KIF13B: variants seen among roughly 807,000 people sequenced by gnomAD.
The protein encoded by KIF13B is kinesin family member 13B.
In KIF13B, 127 loss-of-function variants were observed where a neutral mutation model predicts 222.0. That is an observed-to-expected ratio of 0.57 (90% CI 0.50 to 0.66). The LOEUF (loss-of-function observed/expected upper bound fraction) is 0.66, where lower values mean the gene tolerates loss of function less well. Ranked by LOEUF, KIF13B falls within the 30% of genes least tolerant of loss-of-function variation. KIF13B has a pLI of 0.00. For missense variants in KIF13B, 2,173 were observed against 2,379.0 expected (o/e 0.91, Z 1.80); for synonymous variants, 976 against 919.0 (o/e 1.06, Z -1.12).
At position 29,136,487 on chromosome 8, in the gene KIF13B, G is replaced by A. The variant is rs555997154; in HGVS notation, c.2614-2277C>T. ...CCCAGCTACTCAGGAGACTGAGACAGGAGAATCACTTGAATCCGGGAGGAG... is the reference window on the plus strand; with the variant it reads ...CCCAGCTACTCAGGAGACTGAGACAAGAGAATCACTTGAATCCGGGAGGAG... On this transcript the variant is annotated intron_variant, in intron 21 of 39. Transcript: ENST00000524189. 3.9e-5 allele frequency among the ~76,000 whole-genome samples: 6 copies of A among 152,082 alleles called. No homozygotes were observed. In the East Asian group the frequency reaches 1.2e-3, roughly 29 times the overall value.
Position 29,071,438 on chromosome 8 carries a change from A to G in KIF13B, c.5218+182T>C, listed in dbSNP as rs1807268294. On this transcript the variant is annotated intron_variant, in intron 39 of 39. Coordinates refer to ENST00000524189, the MANE Select transcript of KIF13B (RefSeq NM_015254.4). This position sits in a 1 kb window ranked among gnomAD's most constrained non-coding sequence, Gnocchi z 4.9. ...ATCAGGAATTTTCCATGTCGTCTCC[A>G]GGGACTAGCCCTGCCCCCAGCCTCA... Among the ~76,000 whole-genome samples the G allele has an allele frequency of 6.6e-6, 1 of 152,094 alleles. No individual in the cohort carries two copies. The highest frequency in any genetic ancestry group is 6.5e-5 in the Admixed American group (1 of 15,286).
intron 37 of KIF13B, among the ~76,000 whole-genome samples, chr8:29,080,370 C>T (rs1036032487): frequency 1.1e-4 from 17 of 150,184 alleles, no homozygotes; most frequent in Admixed American, 2.0e-4. Flanking sequence ...CATTAAGCCT[C>T]AGCAATAATC....
chr8:29,201,114 C>G (rs1423740779), intron 2 of KIF13B, among the ~76,000 whole-genome samples: 1 of 152,122 alleles, frequency 6.6e-6, no homozygotes, highest in Non-Finnish European at 1.5e-5. Flanking sequence ...ATTTTAGCAC[C>G]CACTTATAAT....
At chr8:29,262,897 G>A in intron 1 of KIF13B, 83 bp downstream of exon 1, 3 of 1,104,532 alleles carry the variant, frequency 2.7e-6, no homozygotes, top group South Asian at 1.6e-5. Context: ...CGGGGCCGCC[G>A]GACCCCCCAC....
intron 36 of KIF13B, among the ~76,000 whole-genome samples, chr8:29,094,719 T>C (rs780366390): frequency 3.3e-5 from 5 of 152,160 alleles, no homozygotes; most frequent in Non-Finnish European, 5.9e-5. Context: ...GTCTAGATAC[T>C]GGATTTAACA....
chr8:29,161,816 G>A (rs778329949), intron 12 of KIF13B, among the ~76,000 whole-genome samples: 14 of 151,378 alleles, frequency 9.2e-5, no homozygotes, highest in Admixed American at 5.9e-4. Flanking sequence ...GTTCTACTTC[G>A]TAACTGTTCA....
chr8:29,104,032 T>A (rs1046557422), intron 35 of KIF13B, among the ~76,000 whole-genome samples: 2 of 152,100 alleles, frequency 1.3e-5, no homozygotes, highest in African/African-American at 4.8e-5. Flanking sequence ...AGCATGTGGA[T>A]GGAGTCCTTC....
In KIF13B at chr8:29,068,278, G is replaced by C. The variant is rs1807090577; in HGVS notation, c.*2226C>G. 1 of 152,312 alleles carries C rather than the reference G, an allele frequency of 6.6e-6. No individual in the cohort carries two copies. The highest frequency in any genetic ancestry group is 6.5e-5 in the Admixed American group (1 of 15,286). 9.4% of individuals were successfully genotyped at this position (152,312 alleles called of 1,614,324 possible). ...GTCAGGGAGGCAAGAAAAGAAGATA[G>C]AAGACGGAGGCCAGCCCGCCCTGGC... On this transcript the variant is annotated 3_prime_UTR_variant, in exon 40 of 40. Transcript: ENST00000524189. This position sits in a 1 kb window ranked among gnomAD's most constrained non-coding sequence, Gnocchi z 4.4.
At chr8:29,219,656 G>A (rs1014077659) in intron 2 of KIF13B, among the ~76,000 whole-genome samples, 5 of 151,962 alleles carry the variant, frequency 3.3e-5, no homozygotes, top group Non-Finnish European at 5.9e-5. Flanking sequence ...GGGAGGCTGC[G>A]GTGAGAAAAT....
At chr8:29,119,973 C>T (rs140205904) in intron 29 of KIF13B, among the ~76,000 whole-genome samples, 160 of 152,226 alleles carry the variant, frequency 1.1e-3, no homozygotes, top group African/African-American at 3.7e-3. Flanking sequence ...GGAGAGTTAA[C>T]GTTAATACAT....
At chr8:29,072,650 G>A (rs975910787) in intron 38 of KIF13B, among the ~76,000 whole-genome samples, 5 of 152,190 alleles carry the variant, frequency 3.3e-5, no homozygotes, top group East Asian at 1.9e-4. Flanking sequence ...AGTGCACCCC[G>A]CAGGCCCTGT....
chr8:29,224,031 C>G (rs1701525337), intron 2 of KIF13B, among the ~76,000 whole-genome samples: 1 of 145,582 alleles, frequency 6.9e-6, no homozygotes, highest in East Asian at 2.1e-4. Context: ...CAGAGTCTCT[C>G]TCTGTTGCCC....
chr8:29,173,285 A>T (rs1475232770), intron 10 of KIF13B, among the ~76,000 whole-genome samples: 1 of 152,088 alleles, frequency 6.6e-6, no homozygotes, highest in Admixed American at 6.6e-5. Flanking sequence ...TATGATCAGG[A>T]AATGTTTCTA....
rs540520182 is a variant in KIF13B, at chr8:29,071,284, G to T, written c.5218+336C>A. Among the ~76,000 whole-genome samples the T allele has an allele frequency of 1.3e-5, 2 of 152,174 alleles. No individual in the cohort carries two copies. Among genetic ancestry groups the T allele is most frequent in the Non-Finnish European group, 2.9e-5 (2 of 68,026 alleles). ...GGAAGAGCCTCCTGGAACGGCAAAG[G>T]GGAGATGCTCTAAGGTGAAGGATGA... On this transcript the variant is annotated intron_variant, in intron 39 of 39. Transcript: ENST00000524189. This position sits in a 1 kb window ranked among gnomAD's most constrained non-coding sequence, Gnocchi z 4.9.
intron 32 of KIF13B, among the ~76,000 whole-genome samples, chr8:29,112,047 T>C (rs1809380079): frequency 6.6e-6 from 1 of 152,156 alleles, no homozygotes; most frequent in Non-Finnish European, 1.5e-5. Context: ...ACTTCAAAGA[T>C]CCAGGAAAGA....
At chr8:29,139,982 T>C (rs1021861346) in intron 21 of KIF13B, 81 bp downstream of exon 21, 2 of 1,272,714 alleles carry the variant, frequency 1.6e-6, no homozygotes, top group Admixed American at 4.7e-5. Flanking sequence ...AAAGTAATTG[T>C]GATTTTTGCC....
intron 2 of KIF13B, among the ~76,000 whole-genome samples, chr8:29,214,693 T>G (rs553238516): frequency 1.3e-5 from 2 of 152,254 alleles, no homozygotes; most frequent in Non-Finnish European, 2.9e-5. Flanking sequence ...TTATGATGAT[T>G]ATCAAGTATT....
In KIF13B at chr8:29,176,172, T is replaced by C. The variant is rs759577380; in HGVS notation, c.841A>G (p.Thr281Ala). Residue 281 changes from threonine to alanine, a missense_variant, in exon 10 of 40, where the codon ACA becomes GCA. Transcript: ENST00000524189. The stretch of plus-strand genomic sequence containing the variant: ...GCTGAGATAACCAGACCGAGGGTTG[T>C]GAGGGACCTGCATGGTGCAACAAAC... ...KEGSNINKSL[T>A]TLGLVISALA... The C allele has an allele frequency of 3.1e-6, 5 of 1,602,394 alleles. No individual in the cohort carries two copies. In the South Asian group the frequency reaches 3.3e-5, roughly 11 times the overall value.
intron 26 of KIF13B, among the ~76,000 whole-genome samples, chr8:29,126,145 A>G (rs1313626755): frequency 6.6e-6 from 1 of 152,142 alleles, no homozygotes; most frequent in Non-Finnish European, 1.5e-5. Context: ...ACTAAAGCTC[A>G]GAATGAGACA....
Sources: gnomAD v4.1 joint callset for allele counts (sites outside exome capture counted in the v4.1 genomes callset) on GRCh38, gnomAD v4.1.1 for gene constraint, Gnocchi (gnomAD v3.1) non-coding constraint, MANE v1.5 for transcripts, NCBI Gene and HGNC (gene_info 2026-07-23, HGNC 2026-07-21) for gene names.